The following MACF1 variants were observed in gnomAD, a reference collection of about 807,000 sequenced individuals.
MACF1 encodes microtubule-actin cross-linking factor 1.
Under a neutral mutation model 854.8 loss-of-function variants are expected in MACF1, and 193 were observed. That is an observed-to-expected ratio of 0.23 (90% CI 0.20 to 0.25). MACF1 has a LOEUF of 0.25. MACF1 is among the 10% of genes least tolerant of loss of function. MACF1 has a pLI of 1.00. For synonymous variants in MACF1, 3,185 were observed against 3,226.7 expected (o/e 0.99, Z 0.44); for missense variants, 7,722 against 8,929.1 (o/e 0.86, Z 5.45).
Position 39,129,208 on chromosome 1 carries a change from T to C in MACF1, c.220+44770T>C, listed in dbSNP as rs1642934978. Among the ~76,000 whole-genome samples, 5 of 152,266 alleles carry C rather than the reference T, an allele frequency of 3.3e-5. No homozygotes were observed. The South Asian group carries it at 1.0e-3, about 32-fold the overall frequency. ...CTGAGAGAACTGCCCGTAAATGAAA[T>C]ACTTGTGCAACAGGTTATGTTTTCT... On this transcript the variant is annotated intron_variant, in intron 2 of 93. Coordinates refer to the MACF1 transcript ENST00000361689.
chr1:39,470,645 T>C (rs1644758748), intron 97 of MACF1, among the ~76,000 whole-genome samples: 2 of 152,192 alleles, frequency 1.3e-5, no homozygotes, highest in Admixed American at 6.5e-5. Flanking sequence ...GACTCTTGTC[T>C]ACAAAAAAGT....
At chr1:39,270,540 A>G (rs1645296094) in intron 6 of MACF1, among the ~76,000 whole-genome samples, 1 of 152,172 alleles carries the variant, frequency 6.6e-6, no homozygotes, top group South Asian at 2.1e-4. Flanking sequence ...AGATGTGAAC[A>G]CTGAGATAAG....
chr1:39,312,016 T>G (rs1272612976), intron 26 of MACF1, among the ~76,000 whole-genome samples: 1 of 152,186 alleles, frequency 6.6e-6, no homozygotes, highest in Non-Finnish European at 1.5e-5. Context: ...AGCCTGGGAA[T>G]TCTCATGTGG....
chr1:39,154,590 T>C (rs777585105), intron 2 of MACF1, among the ~76,000 whole-genome samples: 1 of 152,190 alleles, frequency 6.6e-6, no homozygotes, highest in Non-Finnish European at 1.5e-5. Flanking sequence ...CTCTAAGATA[T>C]GATTCGTTCT....
chr1:39,366,347 G>C (rs903214204), intron 49 of MACF1, among the ~76,000 whole-genome samples: 5 of 151,254 alleles, frequency 3.3e-5, no homozygotes, highest in African/African-American at 1.2e-4. Context: ...GTTCTTTTTT[G>C]TTTTGAGATG....
chr1:39,119,773 G>C (rs1185423289), intron 2 of MACF1, among the ~76,000 whole-genome samples: 1 of 151,620 alleles, frequency 6.6e-6, no homozygotes, highest in Non-Finnish European at 1.5e-5. Context: ...TCTAAATACT[G>C]AATGCTTTGT....
At chr1:39,304,149 C>G (rs1453834492) in intron 23 of MACF1, 1 of 279,490 alleles carries the variant, frequency 3.6e-6, no homozygotes, top group African/African-American at 2.3e-5. Context: ...AGGTATATCT[C>G]CTAATGCTAT....
chr1:39,447,249 A>G (rs1372215814), intron 80 of MACF1, among the ~76,000 whole-genome samples, 183 bp from the exon 81 acceptor site: 1 of 152,220 alleles, frequency 6.6e-6, no homozygotes, highest in African/African-American at 2.4e-5. Flanking sequence ...CATTTGTTTC[A>G]GACACTAACA....
At chr1:39,343,576 C>G (rs1178766104) in intron 40 of MACF1, among the ~76,000 whole-genome samples, 1 of 152,220 alleles carries the variant, frequency 6.6e-6, no homozygotes, top group Non-Finnish European at 1.5e-5. Flanking sequence ...GTGCCCTCCC[C>G]TAGTTATAAC....
In MACF1 at chr1:39,332,594, T is replaced by A; in HGVS notation, c.6006T>A (p.Pro2002=). The part of the protein sequence containing the change: ...LTSRDEYQTS[P]PKVVEIGHQR... ...CCAGAGATGAGTATCAAACAAGTCC[T>A]CCAAAAGTGGTTGAAATTGGGCATC... The change falls in exon 37 of 101, where the codon CCT becomes CCA. Residue 2002 remains proline (P), a synonymous_variant. Coordinates refer to ENST00000564288, the MANE Select transcript of MACF1 (RefSeq NM_001394062.1). The A allele has an allele frequency of 1.2e-6, 2 of 1,614,082 alleles. No individual in the cohort carries two copies. The highest frequency in any genetic ancestry group is 2.2e-5 in the South Asian group (2 of 91,080).
At chr1:39,448,472 C>T (rs1644271569) in intron 83 of MACF1, 122 bp from the exon 84 acceptor site, 1 of 785,306 alleles carries the variant, frequency 1.3e-6, no homozygotes, top group East Asian at 2.8e-5. Context: ...AATTTTAGTT[C>T]AAAAAAAGTG....
At chr1:39,422,668 CAGT>C in intron 59 of MACF1, 59 bp from the exon 60 acceptor site, 1 of 1,556,170 alleles carries the variant, frequency 6.4e-7, no homozygotes, top group Non-Finnish European at 8.8e-7. Context: ...TAAAAGAGGT[CAGT>C]AGTAATTTGA....
At chr1:39,110,749 G>A (rs563747997) in intron 2 of MACF1, among the ~76,000 whole-genome samples, 2 of 152,154 alleles carry the variant, frequency 1.3e-5, no homozygotes, top group Non-Finnish European at 2.9e-5. Flanking sequence ...AGTGCTTATG[G>A]GAGCTACTGC....
intron 3 of MACF1, among the ~76,000 whole-genome samples, chr1:39,251,584 C>G (rs10493087): frequency 0.6 from 91,181 of 152,028 alleles, 29,489 homozygotes; most frequent in South Asian, 0.78. Flanking sequence ...TTATTCTCAC[C>G]ATGTTTTTTC....
At chr1:39,317,099 A>G (rs948606307) in intron 28 of MACF1, 115 bp from the exon 29 acceptor site, 5 of 1,056,460 alleles carry the variant, frequency 4.7e-6, no homozygotes, top group Non-Finnish European at 5.4e-6. Flanking sequence ...TCCAGGGCAC[A>G]ATCACATATA....
chr1:39,209,022 C>T (rs921890206), intron 1 of MACF1, among the ~76,000 whole-genome samples: 5 of 150,936 alleles, frequency 3.3e-5, no homozygotes, highest in African/African-American at 7.3e-5. Context: ...GAGGCTGAGG[C>T]GGGTGGATCA....
At chr1:39,417,285 T>C (rs1188815256) in intron 58 of MACF1, among the ~76,000 whole-genome samples, 2 of 152,360 alleles carry the variant, frequency 1.3e-5, no homozygotes, top group African/African-American at 4.8e-5. Flanking sequence ...TCTCTGGTTA[T>C]GTAAATTCCC....
chr1:39,414,848 A>G (rs1230030698), intron 58 of MACF1, among the ~76,000 whole-genome samples: 1 of 152,220 alleles, frequency 6.6e-6, no homozygotes, highest in Non-Finnish European at 1.5e-5. Flanking sequence ...TGGTGGTGTC[A>G]ACATTTAGGT....
intron 2 of MACF1, among the ~76,000 whole-genome samples, chr1:39,097,028 C>G (rs906160794): frequency 8.6e-5 from 13 of 151,932 alleles, no homozygotes; most frequent in Non-Finnish European, 1.6e-4. Flanking sequence ...AGGTGCCCAC[C>G]ACCACGCCCG....
Sources: allele counts gnomAD v4.1 joint callset (sites outside exome capture counted in the v4.1 genomes callset), GRCh38; gene constraint gnomAD v4.1.1; transcripts MANE v1.5; gene names NCBI Gene and HGNC (gene_info 2026-07-23, HGNC 2026-07-21).